The following GRK5 variants were observed in gnomAD, a reference collection of about 807,000 sequenced individuals.
GRK5 encodes g protein-coupled receptor kinase GRK5.
Under a neutral mutation model 78.4 loss-of-function variants are expected in GRK5, and 40 were observed. The observed-to-expected ratio is 0.51, with a 90% CI of 0.40 to 0.66. The LOEUF (loss-of-function observed/expected upper bound fraction) is 0.66. GRK5 is among the 30% of genes least tolerant of loss of function. The pLI, the probability that GRK5 is intolerant of heterozygous loss-of-function variation, is 0.00. For synonymous variants in GRK5, 289 were observed against 296.8 expected, an observed-to-expected ratio of 0.97 and a Z score of 0.27; for missense variants, 598 against 759.9, an observed-to-expected ratio of 0.79 and a Z score of 2.50.
At chr10:119,306,057 G>C (rs2133729543) in intron 1 of GRK5, among the ~76,000 whole-genome samples, 1 of 152,272 alleles carries the variant, frequency 6.6e-6, no homozygotes, top group South Asian at 2.1e-4. Context: ...CTGGGTGTCA[G>C]CTGGAGGACT....
chr10:119,403,339 G>A (rs1037389992), intron 4 of GRK5, among the ~76,000 whole-genome samples: 3 of 152,026 alleles, frequency 2.0e-5, no homozygotes, highest in African/African-American at 7.2e-5. Flanking sequence ...GCTAATTTTT[G>A]TATTTTTAGT....
intron 4 of GRK5, among the ~76,000 whole-genome samples, chr10:119,419,271 C>T (rs142479119): frequency 0.021 from 3,212 of 152,302 alleles, 59 homozygotes; most frequent in Admixed American, 0.049. Flanking sequence ...GTTTCTTACA[C>T]GGTGTATCCG....
At chr10:119,366,719 A>G (rs1851456534) in intron 2 of GRK5, among the ~76,000 whole-genome samples, 1 of 152,154 alleles carries the variant, frequency 6.6e-6, no homozygotes, top group African/African-American at 2.4e-5. Flanking sequence ...TGGTACATCT[A>G]GGTGACAGGG....
At chr10:119,419,414 C>T (rs1361448127) in intron 4 of GRK5, among the ~76,000 whole-genome samples, 5 of 152,264 alleles carry the variant, frequency 3.3e-5, no homozygotes, top group Non-Finnish European at 7.3e-5. Context: ...TCGCTTCTTA[C>T]CCTTCTGGCA....
chr10:119,216,150 G>C (rs553844843), intron 1 of GRK5, among the ~76,000 whole-genome samples: 2 of 152,218 alleles, frequency 1.3e-5, no homozygotes, highest in African/African-American at 4.8e-5. Flanking sequence ...CCTGGTGTCC[G>C]AAGCAAGGGA....
At chr10:119,423,045 G>A (rs139191536) in intron 4 of GRK5, 121 bp from the exon 5 acceptor site, 19 of 714,014 alleles carry the variant, frequency 2.7e-5, no homozygotes, top group Admixed American at 1.7e-4. Context: ...GGGCACAGAC[G>A]GGCTGCCAGA....
intron 4 of GRK5, 92 bp downstream of exon 4, chr10:119,396,864 C>A: frequency 1.1e-6 from 1 of 927,948 alleles, no homozygotes; most frequent in Non-Finnish European, 1.8e-6. Flanking sequence ...ACATGGGGAG[C>A]TGTTAAGTGC....
At chr10:119,454,614 G>T (rs941575145) in intron 15 of GRK5, among the ~76,000 whole-genome samples, 1 of 152,160 alleles carries the variant, frequency 6.6e-6, no homozygotes, top group Non-Finnish European at 1.5e-5. Context: ...CTCTTCTCCC[G>T]TGTTACAGGA....
intron 1 of GRK5, among the ~76,000 whole-genome samples, chr10:119,244,674 C>T (rs1190438352): frequency 6.6e-6 from 1 of 152,180 alleles, no homozygotes; most frequent in Non-Finnish European, 1.5e-5. Flanking sequence ...GTCGAAGCTG[C>T]AGTGAGCTGT....
intron 3 of GRK5, among the ~76,000 whole-genome samples, chr10:119,385,563 A>G (rs1851780598): frequency 6.6e-6 from 1 of 152,206 alleles, no homozygotes; most frequent in African/African-American, 2.4e-5. Context: ...GGCTCAAGCC[A>G]TCTTAGTAGC....
chr10:119,384,055 G>A (rs17098821), intron 3 of GRK5, among the ~76,000 whole-genome samples: 7,768 of 152,132 alleles, frequency 0.051, 365 homozygotes, highest in East Asian at 0.24. Flanking sequence ...CCTTTTCACC[G>A]TTGGCCTTCC....
intron 1 of GRK5, among the ~76,000 whole-genome samples, chr10:119,244,807 T>C (rs1370496152): frequency 6.6e-6 from 1 of 152,086 alleles, no homozygotes; most frequent in Non-Finnish European, 1.5e-5. Context: ...GATATTATAA[T>C]AAAAACAAAA....
intron 1 of GRK5, among the ~76,000 whole-genome samples, chr10:119,261,680 C>T (rs1314358322): frequency 1.3e-5 from 2 of 152,240 alleles, no homozygotes; most frequent in Admixed American, 6.5e-5. Context: ...GCGGATCACT[C>T]GCGGTTAGGA....
intron 1 of GRK5, among the ~76,000 whole-genome samples, chr10:119,242,548 T>C (rs1256745292): frequency 6.7e-6 from 1 of 149,438 alleles, no homozygotes; most frequent in African/African-American, 2.5e-5. Flanking sequence ...GCACACGAGA[T>C]ACACCAAAGC....
At chr10:119,212,490 T>C (rs1186323414) in intron 1 of GRK5, among the ~76,000 whole-genome samples, 1 of 152,216 alleles carries the variant, frequency 6.6e-6, no homozygotes, top group Non-Finnish European at 1.5e-5. Flanking sequence ...ACTTCCAGAA[T>C]GCCCAAGTGA....
intron 6 of GRK5, among the ~76,000 whole-genome samples, chr10:119,425,286 C>CACACACACACACACAA (rs762057945): frequency 0.06 from 8,057 of 135,136 alleles, 341 homozygotes; most frequent in East Asian, 0.13. Context: ...CACACACACA[C>CACACACACACACACAA]ACACACACAC....
intron 4 of GRK5, among the ~76,000 whole-genome samples, chr10:119,398,343 C>T (rs1017814738): frequency 6.6e-6 from 1 of 152,238 alleles, no homozygotes; most frequent in Non-Finnish European, 1.5e-5. Context: ...ATGATGACAG[C>T]TCCCTGGCTG....
At chr10:119,258,731 A>G (rs978609306) in intron 1 of GRK5, among the ~76,000 whole-genome samples, 4 of 152,204 alleles carry the variant, frequency 2.6e-5, no homozygotes, top group African/African-American at 9.7e-5. Context: ...CCGGGGGTCA[A>G]TGCCAGGAAA....
Position 119,452,848 on chromosome 10 carries a change from G to C in GRK5, c.1542+40G>C. On this transcript the variant is annotated intron_variant, in intron 14 of 15. Transcript: ENST00000392870. The surrounding 1 kb of genome is among the most constrained non-coding windows in gnomAD (Gnocchi z 4.4). Reference sequence around the variant, plus strand: ...CCACTTGCTTTGGTCTGGGTGGGAGGGAGGGACTGACGGGTGGAAGGAGGC... The same window carrying C: ...CCACTTGCTTTGGTCTGGGTGGGAGCGAGGGACTGACGGGTGGAAGGAGGC... The C allele has an allele frequency of 6.4e-7, 1 of 1,573,110 alleles. No homozygotes were observed. Among genetic ancestry groups the C allele is most frequent in the South Asian group, 1.1e-5 (1 of 88,944 alleles).
Sources: gnomAD v4.1 joint callset for allele counts (sites outside exome capture counted in the v4.1 genomes callset) on GRCh38, gnomAD v4.1.1 for gene constraint, Gnocchi (gnomAD v3.1) non-coding constraint, MANE v1.5 for transcripts, NCBI Gene and HGNC (gene_info 2026-07-23, HGNC 2026-07-21) for gene names.